Variants in NPHP4 observed in about 807,000 individuals in gnomAD.
The protein encoded by NPHP4 is nephrocystin 4.
A neutral mutation model predicts 155.8 loss-of-function variants in NPHP4; 151 were observed. The observed-to-expected ratio is 0.97, with a 90% CI of 0.85 to 1.11. The LOEUF (loss-of-function observed/expected upper bound fraction) is 1.11, where lower values mean the gene tolerates loss of function less well. Among genes scored for constraint, NPHP4 ranks in the 50% least tolerant of loss-of-function variants. The pLI is 0.00. For synonymous variants in NPHP4, 845 were observed against 816.8 expected (o/e 1.03, Z -0.59); for missense variants, 1,956 against 1,925.7 (o/e 1.02, Z -0.29).
chr1:5,879,986 A>G (rs1643092537), intron 19 of NPHP4, 128 bp downstream of exon 19: 8 of 1,134,286 alleles, frequency 7.1e-6, no homozygotes, highest in Non-Finnish European at 1.0e-5. Context: ...AGGGGCACTG[A>G]CAGCACCACG....
intron 11 of NPHP4, among the ~76,000 whole-genome samples, chr1:5,916,156 TAA>T (rs1645458892): frequency 6.6e-6 from 1 of 152,006 alleles, no homozygotes; most frequent in African/African-American, 2.4e-5. Context: ...TACAAAAAAA[TAA>T]AGACTGAGTG....
Position 5,897,222 on chromosome 1 carries a change from G to A in NPHP4, c.2144-6194C>T, listed in dbSNP as rs1644437116. ...TTTCAAAAACACCAATTAAATAACT[G>A]ACGCAAGCAAAGCTCAGCCCAGGGT... On this transcript the variant is annotated intron_variant, in intron 16 of 29. Coordinates refer to ENST00000378156, the MANE Select transcript of NPHP4 (RefSeq NM_015102.5). 2.0e-5 allele frequency among the ~76,000 whole-genome samples: 3 copies of A among 152,270 alleles called. No homozygotes were observed. The South Asian group carries it at 6.2e-4, about 32-fold the overall frequency.
At chr1:5,952,982 A>G (rs1010532823) in intron 6 of NPHP4, 146 bp from the exon 7 acceptor site, 2 of 646,880 alleles carry the variant, frequency 3.1e-6, no homozygotes, top group Non-Finnish European at 5.0e-6. Flanking sequence ...ACAAGGCCCA[A>G]GCCAAGCCTC....
intron 2 of NPHP4, among the ~76,000 whole-genome samples, chr1:5,978,617 A>C (rs1299610741): frequency 1.3e-5 from 2 of 152,088 alleles, no homozygotes; most frequent in Non-Finnish European, 2.9e-5. Context: ...TGGCCAACGA[A>C]AGACTGCAGT....
At chr1:5,986,994 G>A (rs963499125) in intron 1 of NPHP4, among the ~76,000 whole-genome samples, 6 of 151,964 alleles carry the variant, frequency 3.9e-5, no homozygotes, top group African/African-American at 7.3e-5. Flanking sequence ...GAAACTGCCC[G>A]GGGCCACCTT....
chr1:5,905,118 C>A lies in NPHP4; in HGVS notation c.1955+174G>T, dbSNP rs1243471050. On this transcript the variant is annotated intron_variant, in intron 15 of 29. Transcript: ENST00000378156. This position sits in a 1 kb window ranked among gnomAD's most constrained non-coding sequence, Gnocchi z 4.0. ...AGATGGGGTAAAGCAGCTTTCACAG[C>A]ATTTAGCATGCTGTGGGTGGGTCCT... Among the ~76,000 whole-genome samples the A allele has an allele frequency of 6.6e-6, 1 of 152,142 alleles. No individual in the cohort carries two copies. The highest frequency in any genetic ancestry group is 1.5e-5 in the Non-Finnish European group (1 of 68,036).
At chr1:5,864,891 C>T (rs553596361) in intron 27 of NPHP4, 73 of 571,186 alleles carry the variant, frequency 1.3e-4, no homozygotes, top group African/African-American at 1.1e-3. Flanking sequence ...TGAACACCGG[C>T]CTTTGGGGTT....
At chr1:5,927,815 G>A in intron 10 of NPHP4, 28 bp from the exon 11 acceptor site, 1 of 1,586,848 alleles carries the variant, frequency 6.3e-7, no homozygotes, top group Non-Finnish European at 8.6e-7. Context: ...AGCAGTGATG[G>A]CCACTCCCTT....
chr1:5,930,697 A>G (rs1360513533), intron 10 of NPHP4, among the ~76,000 whole-genome samples: 2 of 152,212 alleles, frequency 1.3e-5, no homozygotes, highest in African/African-American at 2.4e-5. Context: ...GATATTGTCT[A>G]TCTTGATGAA....
chr1:5,874,620 C>G lies in NPHP4; in HGVS notation c.3082G>C (p.Gly1028Arg), dbSNP rs1557616048. 12 of 1,612,162 alleles carry G rather than the reference C, an allele frequency of 7.4e-6. No homozygotes were observed. The East Asian group carries it at 2.7e-4, about 36-fold the overall frequency. The change falls in exon 22 of 30, where the codon GGT (glycine) becomes CGT (arginine). Residue 1028 changes from glycine to arginine, a missense_variant. Physicochemically the swap from Gly to Arg is moderately radical, Grantham distance 125. Transcript: ENST00000378156. ...VDSQEWRDFK[G>R]AAGLHTPVEE... ...ACCGGTGTGTGCAGGCCAGCAGCAC[C>G]CTTGAAGTCCCTCCACTCCTGACTG...
In NPHP4 at chr1:5,866,314, G is replaced by C. The variant is rs1244120518; in HGVS notation, c.3644+59C>G. ...CACTTTCAATCCACCAGCAGCCCCA[G>C]GCCTGCCTCCTCCTCTCCTCCGCCA... On this transcript the variant is annotated intron_variant, in intron 26 of 29. Coordinates refer to ENST00000378156, the MANE Select transcript of NPHP4 (RefSeq NM_015102.5). 4.4e-6 allele frequency: 5 copies of C among 1,143,726 alleles called. No homozygotes were observed. In the East Asian group the frequency reaches 1.2e-4, roughly 29 times the overall value. 70.8% of individuals were successfully genotyped at this position (1,143,726 alleles called of 1,614,324 possible). A position where few individuals can be genotyped will look rare whatever the true frequency, so the allele number is the denominator to read the frequency against.
In NPHP4 at chr1:5,908,653, G is replaced by A. The variant is rs532717975; in HGVS notation, c.1503+499C>T. On this transcript the variant is annotated intron_variant, in intron 12 of 29. Coordinates refer to ENST00000378156, the MANE Select transcript of NPHP4 (RefSeq NM_015102.5). ...CCCACTCAGGAAGTTCCAGCGCCAC[G>A]GGGATCTGTGCGGTCGGACGTGCAA... Among the ~76,000 whole-genome samples, 20 of 152,332 alleles carry A rather than the reference G, an allele frequency of 1.3e-4. No individual in the cohort carries two copies. In the South Asian group the frequency reaches 1.7e-3, roughly 13 times the overall value.
Position 5,979,046 on chromosome 1 carries a change from C to G in NPHP4, c.136-633G>C, listed in dbSNP as rs1177943715. Among the ~76,000 whole-genome samples the G allele has an allele frequency of 2.0e-5, 3 of 148,546 alleles. No homozygotes were observed. In the South Asian group the frequency reaches 6.2e-4, roughly 31 times the overall value. ...CAGAGTGTAGACAGGCAGGACCCTGCCCAGAGCGGCAGCCAGAGTGTAGAC... is the reference window on the plus strand; with the variant it reads ...CAGAGTGTAGACAGGCAGGACCCTGGCCAGAGCGGCAGCCAGAGTGTAGAC... On this transcript the variant is annotated intron_variant, in intron 2 of 29. Coordinates refer to ENST00000378156, the MANE Select transcript of NPHP4 (RefSeq NM_015102.5).
chr1:5,964,939 A>ATTTTTTTTTTTTTTTTTTT (rs1232148646), intron 5 of NPHP4, among the ~76,000 whole-genome samples: 1 of 62,706 alleles, frequency 1.6e-5, no homozygotes, highest in Non-Finnish European at 2.8e-5. Context: ...ATATATATAT[A>ATTTTTTTTTTTTTTTTTTT]TATTTTTTTT....
At chr1:5,895,307 G>A (rs377600512) in intron 16 of NPHP4, among the ~76,000 whole-genome samples, 2 of 148,144 alleles carry the variant, frequency 1.4e-5, no homozygotes, top group East Asian at 2.0e-4. Flanking sequence ...CGTTGGGCAC[G>A]TGTACCCTAG....
intron 3 of NPHP4, among the ~76,000 whole-genome samples, chr1:5,975,629 G>T (rs1268289897): frequency 6.6e-6 from 1 of 152,196 alleles, no homozygotes; most frequent in African/African-American, 2.4e-5. Context: ...CCCACAGTCG[G>T]CTGCCCTTGG....
rs559226590 is a variant in NPHP4 at position 5,869,085 on chromosome 1, CCACACATG to C, written c.3316-1197_3316-1190del. On this transcript the variant is annotated intron_variant, in intron 23 of 29. Transcript: ENST00000378156. The stretch of plus-strand genomic sequence containing the variant: ...CACATGCATGCCCACATGCATGCAC[CCACACATG>C]CACACATGCATGCACCCACATGCAC... Among the ~76,000 whole-genome samples, 37 of 127,862 alleles carry C rather than the reference CCACACATG, an allele frequency of 2.9e-4. No homozygotes were observed. The East Asian group carries it at 7.9e-3, about 27-fold the overall frequency. 83.9% of individuals were successfully genotyped at this position (127,862 alleles called of 152,430 possible). A position where few individuals can be genotyped will look rare whatever the true frequency, so the allele number is the denominator to read the frequency against.
At chr1:5,946,504 G>T (rs1647105562) in intron 9 of NPHP4, among the ~76,000 whole-genome samples, 1 of 152,160 alleles carries the variant, frequency 6.6e-6, no homozygotes, top group African/African-American at 2.4e-5. Context: ...TATGATACAT[G>T]AAACTTACTG....
At chr1:5,920,759 A>AT (rs1645704241) in intron 11 of NPHP4, among the ~76,000 whole-genome samples, 1 of 152,024 alleles carries the variant, frequency 6.6e-6, no homozygotes, top group Admixed American at 6.5e-5. Context: ...TCCTTCATTA[A>AT]TTTTTAATGG....
Sources: allele counts gnomAD v4.1 joint callset (sites outside exome capture counted in the v4.1 genomes callset), GRCh38; gene constraint gnomAD v4.1.1; non-coding constraint Gnocchi (gnomAD v3.1); transcripts MANE v1.5; gene names NCBI Gene and HGNC (gene_info 2026-07-23, HGNC 2026-07-21).